The following TEKT5 variants were observed in gnomAD, a reference collection of about 807,000 sequenced individuals.
TEKT5 encodes tektin 5, also known as tektin-5.
TEKT5 carries 52 observed loss-of-function variants against 48.7 expected under a neutral mutation model. That is an observed-to-expected ratio of 1.07 (90% CI 0.86 to 1.35). TEKT5 has a LOEUF of 1.35. Ranked by LOEUF, TEKT5 falls within the 40% of genes most tolerant of loss-of-function variation. TEKT5 has a pLI of 0.00. For synonymous variants in TEKT5, 318 were observed against 267.6 expected, an observed-to-expected ratio of 1.19 and a Z score of -1.84; for missense variants, 831 against 641.6, an observed-to-expected ratio of 1.30 and a Z score of -3.19.
intron 5 of TEKT5, among the ~76,000 whole-genome samples, chr16:10,674,451 T>G (rs149769491): frequency 1.3e-5 from 2 of 151,620 alleles, no homozygotes; most frequent in Admixed American, 1.3e-4. Flanking sequence ...CTAAGCAACA[T>G]AGCGAAACCC....
chr16:10,674,872 G>C (rs1898617259), intron 5 of TEKT5, among the ~76,000 whole-genome samples: 1 of 151,312 alleles, frequency 6.6e-6, no homozygotes, highest in African/African-American at 2.4e-5. Context: ...ACCCAGGTTG[G>C]AGTGCAGTGG....
intron 5 of TEKT5, among the ~76,000 whole-genome samples, chr16:10,664,935 T>C (rs1898433451): frequency 1.3e-5 from 2 of 152,194 alleles, no homozygotes; most frequent in Non-Finnish European, 2.9e-5. Context: ...TTGTCAATCA[T>C]CATTACTCCC....
chr16:10,667,972 G>T (rs1898486763), intron 5 of TEKT5, among the ~76,000 whole-genome samples: 1 of 151,892 alleles, frequency 6.6e-6, no homozygotes, highest in Non-Finnish European at 1.5e-5. Context: ...CCACCTCCCA[G>T]GTTCAAGTCA....
At chr16:10,669,107 T>A (rs370245954) in intron 5 of TEKT5, among the ~76,000 whole-genome samples, 31 of 152,356 alleles carry the variant, frequency 2.0e-4, no homozygotes, top group African/African-American at 7.2e-4. Context: ...CATACAAATA[T>A]GTGTACATGA....
At chr16:10,678,814 G>A (rs554924698) in intron 4 of TEKT5, among the ~76,000 whole-genome samples, 24 of 152,288 alleles carry the variant, frequency 1.6e-4, no homozygotes, top group Middle Eastern at 3.4e-3. Flanking sequence ...AAAATAACCC[G>A]CTTAATCACA....
intron 3 of TEKT5, among the ~76,000 whole-genome samples, chr16:10,688,921 G>A (rs1344895592): frequency 6.6e-6 from 1 of 152,202 alleles, no homozygotes; most frequent in East Asian, 1.9e-4. Context: ...CCTCAGGGAG[G>A]CCAGTTGCCT....
At chr16:10,694,272 G>A (rs2251985) in intron 1 of TEKT5, 38 bp downstream of exon 1, 1 of 1,517,884 alleles carries the variant, frequency 6.6e-7, no homozygotes, top group Non-Finnish European at 8.8e-7. Context: ...AGTATCCCCA[G>A]GACACAGCCA....
At chr16:10,631,791 C>T (rs764012087) in intron 6 of TEKT5, among the ~76,000 whole-genome samples, 4 of 152,132 alleles carry the variant, frequency 2.6e-5, no homozygotes, top group Admixed American at 6.6e-5. Flanking sequence ...GACAGCCCTC[C>T]GGAGCTGGGA....
rs1167896428 is a variant in TEKT5 at position 10,635,763 on chromosome 16, C to T, written c.1241+1G>A. ...TGCCTCCTCTGGCCTCCCTCACTTA[C>T]TTCAACTGCGGGATGTCCCTGCACA... On this transcript the variant is annotated splice_donor_variant, in intron 6 of 6. Coordinates refer to ENST00000283025, the MANE Select transcript of TEKT5 (RefSeq NM_144674.2). LOFTEE classifies it high-confidence loss of function. The T allele has an allele frequency of 6.2e-7, 1 of 1,610,836 alleles. No homozygotes were observed. The highest frequency in any genetic ancestry group is 1.3e-5 in the African/African-American group (1 of 74,990).
intron 5 of TEKT5, among the ~76,000 whole-genome samples, chr16:10,659,655 C>T (rs2142284824): frequency 6.6e-6 from 1 of 152,348 alleles, no homozygotes; most frequent in East Asian, 1.9e-4. Context: ...GCCACCACAC[C>T]TGGCAATACC....
At chr16:10,693,393 T>G (rs1163936411) in intron 1 of TEKT5, among the ~76,000 whole-genome samples, 1 of 152,190 alleles carries the variant, frequency 6.6e-6, no homozygotes, top group Non-Finnish European at 1.5e-5. Context: ...CTGTGCCCAG[T>G]CACATTTAGA....
At chr16:10,631,311 A>C (rs1180223143) in intron 6 of TEKT5, among the ~76,000 whole-genome samples, 4 of 105,838 alleles carry the variant, frequency 3.8e-5, no homozygotes, top group African/African-American at 1.5e-4. Flanking sequence ...GCAAAATTAA[A>C]GGGCTTGGGT....
chr16:10,638,735 T>C (rs977058674), intron 5 of TEKT5, among the ~76,000 whole-genome samples: 3 of 152,112 alleles, frequency 2.0e-5, no homozygotes, highest in African/African-American at 7.2e-5. Flanking sequence ...CCACAGTGAG[T>C]CAACATCTTT....
chr16:10,681,439 T>C (rs1322085357), intron 4 of TEKT5, among the ~76,000 whole-genome samples: 1 of 151,752 alleles, frequency 6.6e-6, no homozygotes, highest in Non-Finnish European at 1.5e-5. Flanking sequence ...CTGGAACTCC[T>C]GGCCTCAGGC....
chr16:10,652,593 T>C (rs1898179556), intron 5 of TEKT5, among the ~76,000 whole-genome samples: 1 of 77,608 alleles, frequency 1.3e-5, no homozygotes. Flanking sequence ...ATCCCTTATA[T>C]ACACAGGCAG....
chr16:10,652,219 C>G (rs982820369), intron 5 of TEKT5, among the ~76,000 whole-genome samples: 2 of 152,066 alleles, frequency 1.3e-5, no homozygotes, highest in Admixed American at 6.6e-5. Flanking sequence ...TTCACTGCCT[C>G]GGCACACAGA....
intron 5 of TEKT5, among the ~76,000 whole-genome samples, chr16:10,656,936 G>A (rs914872635): frequency 1.3e-5 from 2 of 150,038 alleles, no homozygotes; most frequent in Non-Finnish European, 3.0e-5. Context: ...GATGGGGTCT[G>A]CTAGATTGCC....
At chr16:10,644,771 C>T (rs963256440) in intron 5 of TEKT5, among the ~76,000 whole-genome samples, 2 of 152,160 alleles carry the variant, frequency 1.3e-5, no homozygotes, top group African/African-American at 4.8e-5. Flanking sequence ...ATAGGACTCC[C>T]AGTTAAATTT....
intron 6 of TEKT5, among the ~76,000 whole-genome samples, chr16:10,631,612 G>A (rs2142254993): frequency 6.6e-6 from 1 of 152,250 alleles, no homozygotes; most frequent in East Asian, 1.9e-4. Flanking sequence ...ATCTTAAGAT[G>A]AGATCATCCT....
Sources: gnomAD v4.1 joint callset for allele counts (sites outside exome capture counted in the v4.1 genomes callset) on GRCh38, gnomAD v4.1.1 for gene constraint, MANE v1.5 for transcripts, NCBI Gene and HGNC (gene_info 2026-07-23, HGNC 2026-07-21) for gene names.